The following SRPK2 variants were observed in gnomAD, a reference collection of about 807,000 sequenced individuals.
SRPK2 encodes the protein SFRS protein kinase 2.
A neutral mutation model predicts 90.8 loss-of-function variants in SRPK2; 21 were observed. The ratio of observed to expected loss-of-function variants is 0.23; its 90% CI spans 0.16 to 0.33. SRPK2 has a LOEUF of 0.33. Ranked by LOEUF, SRPK2 falls within the 10% of genes least tolerant of loss-of-function variation. The pLI is 1.00. For missense variants in SRPK2, 620 were observed against 869.0 expected, an observed-to-expected ratio of 0.71 and a Z score of 3.60; for synonymous variants, 288 against 311.1, an observed-to-expected ratio of 0.93 and a Z score of 0.78.
chr7:105,252,306 T>TA (rs959677684), intron 2 of SRPK2, among the ~76,000 whole-genome samples: 2 of 151,932 alleles, frequency 1.3e-5, no homozygotes, highest in Admixed American at 1.3e-4. Flanking sequence ...AAAAGAATTT[T>TA]AAAAAAACAA....
intron 2 of SRPK2, among the ~76,000 whole-genome samples, chr7:105,327,517 G>A (rs1813732357): frequency 6.6e-6 from 1 of 152,164 alleles, no homozygotes; most frequent in African/African-American, 2.4e-5. Context: ...TCCCTGCCAA[G>A]TGCAGGTGAA....
Position 105,258,800 on chromosome 7 carries a change from G to C in SRPK2, c.72-55015C>G, listed in dbSNP as rs190397521. On this transcript the variant is annotated intron_variant, in intron 2 of 15. Coordinates refer to ENST00000393651, the MANE Select transcript of SRPK2 (RefSeq NM_182692.3). ...ACAACAAAAACCACATGATTATCTCGATAGATGCAGAAAAGGCCTTCAACA... is the reference window on the plus strand; with the variant it reads ...ACAACAAAAACCACATGATTATCTCCATAGATGCAGAAAAGGCCTTCAACA... Among the ~76,000 whole-genome samples, 337 of 152,186 alleles carry C rather than the reference G, an allele frequency of 2.2e-3. 5 individuals carry two copies. The highest frequency in any genetic ancestry group is 1.2e-3 in the Non-Finnish European group (84 of 68,000).
intron 2 of SRPK2, among the ~76,000 whole-genome samples, chr7:105,334,636 G>A (rs1299358592): frequency 2.0e-5 from 3 of 151,764 alleles, no homozygotes; most frequent in South Asian, 4.2e-4. Context: ...TCAGGAGTCC[G>A]AGACCAGCCT....
At chr7:105,365,292 C>G (rs1157465677) in intron 2 of SRPK2, among the ~76,000 whole-genome samples, 1 of 151,620 alleles carries the variant, frequency 6.6e-6, no homozygotes, top group East Asian at 1.9e-4. Flanking sequence ...GGAGACCAGC[C>G]CGGCCAATAT....
At chr7:105,157,252 A>G (rs1051341031) in intron 7 of SRPK2, among the ~76,000 whole-genome samples, 66 of 152,208 alleles carry the variant, frequency 4.3e-4, no homozygotes, top group African/African-American at 1.6e-3. Context: ...ACAGCAAGTG[A>G]TAGAGTAAGG....
chr7:105,387,245 T>C (rs767927339), intron 2 of SRPK2, among the ~76,000 whole-genome samples: 5 of 152,254 alleles, frequency 3.3e-5, no homozygotes, highest in Non-Finnish European at 7.3e-5. Context: ...AATTAAGAGC[T>C]GTGATTAAAA....
chr7:105,235,886 A>G (rs997995225), intron 2 of SRPK2, among the ~76,000 whole-genome samples: 135 of 152,320 alleles, frequency 8.9e-4, no homozygotes, highest in African/African-American at 3.1e-3. Flanking sequence ...GCACAGCACT[A>G]TTCTCCGGGG....
At chr7:105,204,052 A>G (rs988078085) in intron 2 of SRPK2, among the ~76,000 whole-genome samples, 1 of 152,136 alleles carries the variant, frequency 6.6e-6, no homozygotes, top group Non-Finnish European at 1.5e-5. Flanking sequence ...AGAACTACCA[A>G]TGTTAGGAAA....
chr7:105,232,992 C>T (rs1350452545), intron 2 of SRPK2, among the ~76,000 whole-genome samples: 1 of 150,360 alleles, frequency 6.7e-6, no homozygotes. Flanking sequence ...TGCACTCCAG[C>T]CTAGGCAAAG....
intron 15 of SRPK2, among the ~76,000 whole-genome samples, chr7:105,118,953 C>A (rs1799941611): frequency 6.6e-6 from 1 of 152,138 alleles, no homozygotes; most frequent in Admixed American, 6.5e-5. Flanking sequence ...GTCAAAAGCT[C>A]CAGATAATTT....
chr7:105,360,021 T>C (rs914008917), intron 2 of SRPK2, among the ~76,000 whole-genome samples: 1 of 152,162 alleles, frequency 6.6e-6, no homozygotes, highest in African/African-American at 2.4e-5. Context: ...CTAAGTCTCT[T>C]TGTAGGTCTC....
At chr7:105,388,725 T>C in intron 1 of SRPK2, 23 bp from the exon 2 acceptor site, 2 of 1,561,574 alleles carry the variant, frequency 1.3e-6, no homozygotes, top group Non-Finnish European at 1.7e-6. Flanking sequence ...AGACACACAT[T>C]AACGGTCGGG....
chr7:105,250,716 A>C (rs958749301), intron 2 of SRPK2, among the ~76,000 whole-genome samples: 1 of 152,242 alleles, frequency 6.6e-6, no homozygotes, highest in Non-Finnish European at 1.5e-5. Context: ...ACTTGTACTG[A>C]TCTAAAAGCT....
chr7:105,363,762 T>C (rs1278481827), intron 2 of SRPK2, among the ~76,000 whole-genome samples: 2 of 152,134 alleles, frequency 1.3e-5, no homozygotes, highest in Admixed American at 6.6e-5. Context: ...CTATTCACAA[T>C]AGCAAAGACT....
At chr7:105,254,197 A>C (rs1208333964) in intron 2 of SRPK2, among the ~76,000 whole-genome samples, 1 of 152,208 alleles carries the variant, frequency 6.6e-6, no homozygotes, top group African/African-American at 2.4e-5. Context: ...TTAACACAGA[A>C]AGTACCACAA....
chr7:105,130,803 C>CA (rs397976737), intron 13 of SRPK2, among the ~76,000 whole-genome samples: 2,342 of 128,374 alleles, frequency 0.018, 40 homozygotes, highest in African/African-American at 0.053. Flanking sequence ...TGCCCCTTTC[C>CA]AAAAAAAAAA....
At chr7:105,308,017 T>C (rs1055531078) in intron 2 of SRPK2, among the ~76,000 whole-genome samples, 1 of 152,198 alleles carries the variant, frequency 6.6e-6, no homozygotes, top group Admixed American at 6.5e-5. Flanking sequence ...TGCAAAGTGC[T>C]TGGCAAAATG....
At chr7:105,186,894 G>A (rs1269305276) in intron 3 of SRPK2, among the ~76,000 whole-genome samples, 7 of 152,130 alleles carry the variant, frequency 4.6e-5, no homozygotes, top group Non-Finnish European at 1.0e-4. Flanking sequence ...GCATGGATAG[G>A]TGCTCCATAA....
chr7:105,307,657 C>T (rs1242684838), intron 2 of SRPK2, among the ~76,000 whole-genome samples: 1 of 152,228 alleles, frequency 6.6e-6, no homozygotes, highest in East Asian at 1.9e-4. Flanking sequence ...GTAAATATGA[C>T]TTCCTACAGA....
Sources: gnomAD v4.1 joint callset for allele counts (sites outside exome capture counted in the v4.1 genomes callset) on GRCh38, gnomAD v4.1.1 for gene constraint, MANE v1.5 for transcripts, NCBI Gene and HGNC (gene_info 2026-07-23, HGNC 2026-07-21) for gene names.